The following MMP27 variants were observed in gnomAD, a reference collection of about 807,000 sequenced individuals.
The protein encoded by MMP27 is matrix metalloproteinase-27.
Under a neutral mutation model 48.1 loss-of-function variants are expected in MMP27, and 51 were observed. The ratio of observed to expected loss-of-function variants is 1.06; its 90% CI spans 0.85 to 1.34. The LOEUF is 1.34. MMP27 is among the 40% of genes most tolerant of loss of function. The probability of loss-of-function intolerance (pLI) is 0.00; values close to 1 mark genes in which losing one functional copy is unlikely to be tolerated. For missense variants in MMP27, 698 were observed against 619.3 expected, an observed-to-expected ratio of 1.13 and a Z score of -1.35; for synonymous variants, 229 against 208.9, an observed-to-expected ratio of 1.10 and a Z score of -0.83.
In MMP27 at chr11:102,696,746, T is replaced by C. The variant is rs752749390; in HGVS notation, c.709A>G (p.Asn237Asp). 1 of 1,613,832 alleles carries C rather than the reference T, an allele frequency of 6.2e-7. No homozygotes were observed. The highest frequency in any genetic ancestry group is 1.7e-5 in the Admixed American group (1 of 59,958). ...TTTCTGGGATCCAGGGAGACATAATTTGGGAACATCAAGGCTGTTTGATCA... is the reference window on the plus strand; with the variant it reads ...TTTCTGGGATCCAGGGAGACATAATCTGGGAACATCAAGGCTGTTTGATCA... ...SNDQTALMFPNYVSLDPRKYP... is the reference protein window; with the variant it reads ...SNDQTALMFPDYVSLDPRKYP... Residue 237 changes from asparagine to aspartate, a missense_variant, in exon 5 of 10, where the codon AAT (asparagine) becomes GAT (aspartate). By Grantham distance (23) the Asn-to-Asp change is conservative. Transcript: ENST00000260229.
chr11:102,695,952 T>C (rs1860818062), intron 6 of MMP27, among the ~76,000 whole-genome samples: 2 of 152,192 alleles, frequency 1.3e-5, no homozygotes, highest in Admixed American at 6.5e-5. Flanking sequence ...CTTTAATCAT[T>C]TGCTGATTTT....
At chr11:102,694,410 T>A (rs567407923) in intron 7 of MMP27, among the ~76,000 whole-genome samples, 135 of 152,326 alleles carry the variant, frequency 8.9e-4, no homozygotes, top group African/African-American at 3.0e-3. Flanking sequence ...ATTATGTCAA[T>A]TGAAATTTTT....
Position 102,705,754 on chromosome 11 carries a change from G to A in MMP27, c.-40C>T, listed in dbSNP as rs1565430945. 1 of 1,394,756 alleles carries A rather than the reference G, an allele frequency of 7.2e-7. No homozygotes were observed. Among genetic ancestry groups the A allele is most frequent in the South Asian group, 1.3e-5 (1 of 77,836 alleles). The allele number at this position is 1,394,756 out of a possible 1,614,324, so 86.4% of individuals were successfully genotyped here. On this transcript the variant is annotated 5_prime_UTR_variant, in exon 1 of 10. Coordinates refer to ENST00000260229, the MANE Select transcript of MMP27 (RefSeq NM_022122.3). ...AGCTGAAGCCGGTTCTGTTAGCACA[G>A]AATTTAGAAAATAATAGTGAGACGT...
At chr11:102,700,235 G>T (rs1381530170) in intron 4 of MMP27, among the ~76,000 whole-genome samples, 1 of 152,222 alleles carries the variant, frequency 6.6e-6, no homozygotes, top group African/African-American at 2.4e-5. Context: ...TTTCTCATGT[G>T]ACAACACTGT....
intron 4 of MMP27, 124 bp downstream of exon 4, chr11:102,702,629 G>T: frequency 1.8e-6 from 2 of 1,134,258 alleles, no homozygotes; most frequent in Non-Finnish European, 2.5e-6. Context: ...AGGTCATCTT[G>T]GAATATGGAA....
At chr11:102,694,942 G>A in intron 7 of MMP27, 25 bp downstream of exon 7, 1 of 1,612,624 alleles carries the variant, frequency 6.2e-7, no homozygotes, top group South Asian at 1.1e-5. Context: ...AGAGGGAGAA[G>A]AGGAATCGGG....
Position 102,704,707 on chromosome 11 carries a change from A to T in MMP27, c.171T>A (p.Ser57Arg). Residue 57 changes from serine (S) to arginine (R), a missense_variant, in exon 2 of 10, where the codon AGT becomes AGA. Ser to Arg is a moderately radical substitution (Grantham distance 110). Coordinates refer to ENST00000260229, the MANE Select transcript of MMP27 (RefSeq NM_022122.3). ...GNHLVQSKNR[S>R]LIDDKIREMQ... ...TTTCCCGAATTTTGTCATCTATGAG[A>T]CTCCTATTCTTGCTTTGAACAAGAT... 1 of 1,613,690 alleles carries T rather than the reference A, an allele frequency of 6.2e-7. No homozygotes were observed. Among genetic ancestry groups the T allele is most frequent in the Non-Finnish European group, 8.5e-7 (1 of 1,179,928 alleles).
Position 102,704,584 on chromosome 11 carries a change from C to T in MMP27, c.294G>A (p.Gln98=). 6.2e-7 allele frequency: 1 copy of T among 1,614,158 alleles called. No individual in the cohort carries two copies. Among genetic ancestry groups the T allele is most frequent in the East Asian group, 2.2e-5 (1 of 44,870 alleles). Residue 98 remains glutamine, a synonymous_variant, in exon 2 of 10, where the codon CAG becomes CAA. Transcript: ENST00000260229. ...TCCACCCAGGGAGGGTGTAGCCATA[C>T]TGGCCCACATCAGGCACCCCACACC... The part of the protein sequence containing the change: ...TPRCGVPDVG[Q]YGYTLPGWRK...
chr11:102,700,290 G>T (rs537774106), intron 4 of MMP27, among the ~76,000 whole-genome samples: 1 of 152,322 alleles, frequency 6.6e-6, no homozygotes, highest in East Asian at 1.9e-4. Context: ...AAAAGTCTCT[G>T]TCTCATGGAG....
intron 2 of MMP27, among the ~76,000 whole-genome samples, chr11:102,703,522 T>C (rs148710338): frequency 9.0e-4 from 132 of 146,430 alleles, no homozygotes; most frequent in African/African-American, 3.0e-3. Flanking sequence ...TACCATATAT[T>C]AAGAACTTTT....
At chr11:102,704,189 C>T (rs1317757693) in intron 2 of MMP27, among the ~76,000 whole-genome samples, 1 of 152,216 alleles carries the variant, frequency 6.6e-6, no homozygotes, top group East Asian at 1.9e-4. Context: ...TTCTCTTGGG[C>T]ACCCTTCATT....
intron 1 of MMP27, 144 bp downstream of exon 1, chr11:102,705,467 CAG>C: frequency 1.8e-6 from 1 of 550,138 alleles, no homozygotes; most frequent in African/African-American, 2.0e-5. Context: ...CTGATATCGT[CAG>C]AGATAGACAA....
chr11:102,702,458 T>C (rs1407810005), intron 4 of MMP27, among the ~76,000 whole-genome samples: 1 of 152,250 alleles, frequency 6.6e-6, no homozygotes, highest in Admixed American at 6.5e-5. Flanking sequence ...CTTACACTTT[T>C]CTAGTACAAC....
At position 102,702,778 on chromosome 11, in the gene MMP27, A is replaced by T; in HGVS notation, c.594T>A (p.Asp198Glu). The change falls in exon 4 of 10, where the codon GAT (aspartate) becomes GAA (glutamate). Residue 198 changes from aspartate (D) to glutamate (E), a missense_variant. By Grantham distance (45) the Asp-to-Glu change is conservative. Coordinates refer to ENST00000260229, the MANE Select transcript of MMP27 (RefSeq NM_022122.3). ...CTGCTCCATCCTTGGTCCAGTTTTC[A>T]TCCTCATCAAAATGAGTGTCACCAC... ...GLGGDTHFDE[D>E]ENWTKDGAGF... The T allele has an allele frequency of 6.2e-7, 1 of 1,613,776 alleles. No homozygotes were observed. Among genetic ancestry groups the T allele is most frequent in the Admixed American group, 1.7e-5 (1 of 59,890 alleles).
At position 102,691,793 on chromosome 11, in the gene MMP27, C is replaced by A; in HGVS notation, c.1515G>T (p.Leu505Phe). 6.2e-7 allele frequency: 1 copy of A among 1,601,486 alleles called. No individual in the cohort carries two copies. Among genetic ancestry groups the A allele is most frequent in the Non-Finnish European group, 8.5e-7 (1 of 1,171,868 alleles). Reference sequence around the variant, plus strand: ...ATTGATAAATAGAAGTGTTTTTCAGCAAATGAACAATACCAAAAATAAACA... The same window carrying A: ...ATTGATAAATAGAAGTGTTTTTCAGAAAATGAACAATACCAAAAATAAACA... ...LSLFIFGIVH[L>F]LKNTSIYQ is the part of the protein sequence containing the mutation. The change falls in exon 10 of 10, where the codon TTG (leucine) becomes TTT (phenylalanine). Residue 505 changes from leucine to phenylalanine, a missense_variant. By Grantham distance (22) the Leu-to-Phe change is conservative. Transcript: ENST00000260229.
At chr11:102,699,731 G>A (rs1259768773) in intron 4 of MMP27, among the ~76,000 whole-genome samples, 7 of 152,184 alleles carry the variant, frequency 4.6e-5, no homozygotes. Context: ...TGACTGTTGG[G>A]AAAAATAATT....
chr11:102,705,334 A>G (rs1861026091), intron 1 of MMP27, among the ~76,000 whole-genome samples: 1 of 152,262 alleles, frequency 6.6e-6, no homozygotes, highest in African/African-American at 2.4e-5. Flanking sequence ...AGTGATCTCC[A>G]TACCTTGCAG....
chr11:102,699,480 A>C (rs78450951), intron 4 of MMP27, among the ~76,000 whole-genome samples: 2,879 of 149,680 alleles, frequency 0.019, 56 homozygotes, highest in African/African-American at 0.051. Flanking sequence ...AAAATAAATA[A>C]ATAAATACAT....
chr11:102,695,516 C>G (rs61893908), intron 6 of MMP27, among the ~76,000 whole-genome samples: 1 of 152,142 alleles, frequency 6.6e-6, no homozygotes, highest in Non-Finnish European at 1.5e-5. Flanking sequence ...TCCCTTCTGG[C>G]TGCAAAATTC....
Sources: gnomAD v4.1 joint callset for allele counts (sites outside exome capture counted in the v4.1 genomes callset) on GRCh38, gnomAD v4.1.1 for gene constraint, MANE v1.5 for transcripts, NCBI Gene and HGNC (gene_info 2026-07-23, HGNC 2026-07-21) for gene names.